CNTN5: variants seen among roughly 807,000 people sequenced by gnomAD.
CNTN5 encodes the protein contactin-5.
In CNTN5, 77 loss-of-function variants were observed where a neutral mutation model predicts 129.1. The observed-to-expected ratio is 0.60, with a 90% CI of 0.50 to 0.72. The LOEUF (loss-of-function observed/expected upper bound fraction) is 0.72. Among genes scored for constraint, CNTN5 ranks in the 30% least tolerant of loss-of-function variants. The pLI is 0.00. For missense variants in CNTN5, 1,478 were observed against 1,328.8 expected, an observed-to-expected ratio of 1.11 and a Z score of -1.75; for synonymous variants, 509 against 465.6, an observed-to-expected ratio of 1.09 and a Z score of -1.20.
chr11:100,314,467 G>T (rs1951538973), intron 21 of CNTN5, among the ~76,000 whole-genome samples: 1 of 152,020 alleles, frequency 6.6e-6, no homozygotes, highest in Non-Finnish European at 1.5e-5. Flanking sequence ...TTTCCTTCTA[G>T]AATATGTTTT....
At chr11:99,493,167 T>C (rs930606165) in intron 2 of CNTN5, among the ~76,000 whole-genome samples, 3 of 152,236 alleles carry the variant, frequency 2.0e-5, no homozygotes, top group Non-Finnish European at 4.4e-5. Context: ...TTAACTTATA[T>C]AGTTGATGAT....
At chr11:100,106,380 C>A (rs935722152) in intron 13 of CNTN5, among the ~76,000 whole-genome samples, 11 of 152,182 alleles carry the variant, frequency 7.2e-5, no homozygotes, top group Non-Finnish European at 1.0e-4. Flanking sequence ...GATAGCTAGA[C>A]TGCGTGATGC....
chr11:99,024,726 A>G (rs1432562160), intron 1 of CNTN5, among the ~76,000 whole-genome samples: 1 of 152,020 alleles, frequency 6.6e-6, no homozygotes, highest in East Asian at 1.9e-4. Context: ...AGTGCAGGGA[A>G]CTGGGAACTT....
chr11:99,073,389 T>C, intron 1 of CNTN5, among the ~76,000 whole-genome samples: 1 of 149,230 alleles, frequency 6.7e-6, no homozygotes, highest in Admixed American at 6.7e-5. Flanking sequence ...TTTTTTTTTT[T>C]TTTTTTTTTA....
chr11:99,849,324 T>C (rs1451604607), intron 6 of CNTN5, among the ~76,000 whole-genome samples: 1 of 151,774 alleles, frequency 6.6e-6, no homozygotes, highest in Non-Finnish European at 1.5e-5. Flanking sequence ...TAAAGTCACA[T>C]GGCTTTTTGC....
intron 9 of CNTN5, among the ~76,000 whole-genome samples, chr11:100,046,420 A>C (rs1161785199): frequency 6.6e-6 from 1 of 152,202 alleles, no homozygotes; most frequent in Non-Finnish European, 1.5e-5. Flanking sequence ...TTTGTGATTT[A>C]AGACAATTAT....
At chr11:99,855,207 G>A (rs1489128552) in intron 6 of CNTN5, among the ~76,000 whole-genome samples, 2 of 152,066 alleles carry the variant, frequency 1.3e-5, no homozygotes, top group African/African-American at 4.8e-5. Flanking sequence ...TACTTGGGAG[G>A]CTAAGGTGGG....
chr11:99,227,067 T>C (rs543247019), intron 1 of CNTN5, among the ~76,000 whole-genome samples: 7 of 152,120 alleles, frequency 4.6e-5, no homozygotes, highest in Non-Finnish European at 7.4e-5. Flanking sequence ...GCTCTTAAAA[T>C]TATGATAAGG....
At chr11:99,501,911 C>T (rs747275402) in intron 2 of CNTN5, among the ~76,000 whole-genome samples, 9 of 152,180 alleles carry the variant, frequency 5.9e-5, no homozygotes, top group Non-Finnish European at 1.3e-4. Flanking sequence ...CTGTTATCTT[C>T]TTTTCCATCT....
intron 1 of CNTN5, among the ~76,000 whole-genome samples, chr11:99,156,218 A>C (rs984912837): frequency 6.6e-6 from 1 of 152,090 alleles, no homozygotes; most frequent in African/African-American, 2.4e-5. Flanking sequence ...GAAAAATCTT[A>C]TAAGTTGATT....
At chr11:99,422,521 TATATATATATATA>T (rs1942942102) in intron 2 of CNTN5, among the ~76,000 whole-genome samples, 3 of 10,314 alleles carry the variant, frequency 2.9e-4, no homozygotes, top group Middle Eastern at 0.045. Context: ...TATATTTTTA[TATATATATATATA>T]TATATATATA....
chr11:100,282,490 T>G (rs1950661566), intron 18 of CNTN5, among the ~76,000 whole-genome samples: 1 of 152,204 alleles, frequency 6.6e-6, no homozygotes, highest in Non-Finnish European at 1.5e-5. Flanking sequence ...GTGACATAAG[T>G]ACCCTGGTGG....
At chr11:99,257,333 C>T (rs1321357772) in intron 1 of CNTN5, among the ~76,000 whole-genome samples, 2 of 152,080 alleles carry the variant, frequency 1.3e-5, no homozygotes, top group African/African-American at 4.8e-5. Flanking sequence ...GAGCATTGCT[C>T]AACGTTGCAC....
At chr11:99,164,115 T>C (rs369320735) in intron 1 of CNTN5, among the ~76,000 whole-genome samples, 35 of 152,016 alleles carry the variant, frequency 2.3e-4, no homozygotes, top group East Asian at 1.7e-3. Flanking sequence ...ATCACGAGGT[T>C]AGGAGTTCAA....
At chr11:99,855,513 G>A (rs144920953) in intron 6 of CNTN5, among the ~76,000 whole-genome samples, 1 of 152,176 alleles carries the variant, frequency 6.6e-6, no homozygotes, top group East Asian at 1.9e-4. Context: ...GGCCATAACA[G>A]GAATGAAGAT....
intron 9 of CNTN5, among the ~76,000 whole-genome samples, chr11:100,009,762 G>A (rs568791830): frequency 1.1e-4 from 17 of 152,246 alleles, no homozygotes; most frequent in African/African-American, 4.1e-4. Flanking sequence ...TTCCCTGAAA[G>A]GAGAGAAATG....
rs765112619 is a variant in CNTN5 at position 100,070,442 on chromosome 11, A to G, written c.1181A>G (p.Glu394Gly). The G allele has an allele frequency of 1.2e-6, 2 of 1,612,192 alleles. No individual in the cohort carries two copies. Among genetic ancestry groups the G allele is most frequent in the Admixed American group, 1.7e-5 (1 of 59,826 alleles). ...LQVYTYPHWV[E>G]KLNDTQLDSG... ...CTTACAGCCTACCCACACTGGGTAG[A>G]AAAACTGAATGATACTCAGTTAGAC... The change falls in exon 11 of 25, where the codon GAA becomes GGA. Residue 394 changes from glutamate (E) to glycine (G), a missense_variant. Transcript: ENST00000524871.
chr11:99,703,299 T>C (rs1233259320), intron 3 of CNTN5, among the ~76,000 whole-genome samples: 1 of 148,470 alleles, frequency 6.7e-6, no homozygotes, highest in Non-Finnish European at 1.5e-5. Context: ...CAAGCCATAC[T>C]GATGCAGATT....
chr11:100,221,892 T>C (rs1949273499), intron 15 of CNTN5, among the ~76,000 whole-genome samples: 1 of 151,664 alleles, frequency 6.6e-6, no homozygotes, highest in African/African-American at 2.4e-5. Context: ...GAAAATGAGG[T>C]TTAAGTTTAA....
Sources: gnomAD v4.1 joint callset for allele counts (sites outside exome capture counted in the v4.1 genomes callset) on GRCh38, gnomAD v4.1.1 for gene constraint, MANE v1.5 for transcripts, NCBI Gene and HGNC (gene_info 2026-07-23, HGNC 2026-07-21) for gene names.